Variants in RBFOX1 observed in about 807,000 individuals in gnomAD.
The protein encoded by RBFOX1 is RNA binding protein fox-1 homolog 1.
A neutral mutation model predicts 57.7 loss-of-function variants in RBFOX1; 8 were observed. That is an observed-to-expected ratio of 0.14 (90% CI 0.08 to 0.25). RBFOX1 has a LOEUF of 0.25. Ranked by LOEUF, RBFOX1 falls within the 10% of genes least tolerant of loss-of-function variation. RBFOX1 has a pLI of 1.00. For synonymous variants in RBFOX1, 326 were observed against 222.4 expected (o/e 1.47, Z -4.15); for missense variants, 611 against 548.5 (o/e 1.11, Z -1.14).
intron 2 of RBFOX1, among the ~76,000 whole-genome samples, chr16:6,517,292 A>G (rs965242889): frequency 1.3e-5 from 2 of 152,264 alleles, no homozygotes; most frequent in African/African-American, 4.8e-5. Context: ...TCTAATCCAG[A>G]CATAACTGTT....
intron 5 of RBFOX1, among the ~76,000 whole-genome samples, chr16:7,572,820 C>A (rs1327269382): frequency 2.8e-5 from 3 of 108,676 alleles, no homozygotes; most frequent in Admixed American, 2.0e-4. Context: ...GCCTGGGCAA[C>A]AGAGTGAGAG....
At chr16:7,613,949 C>T (rs868104049) in intron 10 of RBFOX1, among the ~76,000 whole-genome samples, 29 of 152,138 alleles carry the variant, frequency 1.9e-4, no homozygotes, top group African/African-American at 5.8e-4. Flanking sequence ...TATAAAAAGT[C>T]CTAGGTATAA....
At chr16:7,179,507 C>T (rs527816641) in intron 4 of RBFOX1, among the ~76,000 whole-genome samples, 2 of 152,224 alleles carry the variant, frequency 1.3e-5, no homozygotes, top group East Asian at 1.9e-4. Context: ...GGCTGCAGAC[C>T]AATTAATTAT....
At chr16:6,137,016 C>A (rs1440183966) in intron 1 of RBFOX1, among the ~76,000 whole-genome samples, 1 of 152,208 alleles carries the variant, frequency 6.6e-6, no homozygotes, top group African/African-American at 2.4e-5. Context: ...CCGCTGGAAA[C>A]TCCCAACTTG....
intron 2 of RBFOX1, among the ~76,000 whole-genome samples, chr16:6,537,760 C>G (rs1051833753): frequency 1.8e-4 from 27 of 152,206 alleles, no homozygotes; most frequent in African/African-American, 6.3e-4. Flanking sequence ...TAATGTGGTT[C>G]CAACTGAAGA....
intron 2 of RBFOX1, among the ~76,000 whole-genome samples, chr16:6,486,511 G>T (rs916934349): frequency 1.3e-5 from 2 of 152,096 alleles, no homozygotes. Context: ...TAGTCTCAAA[G>T]TTATCAAAGG....
intron 3 of RBFOX1, among the ~76,000 whole-genome samples, chr16:6,676,230 G>T (rs899153142): frequency 2.6e-5 from 4 of 152,122 alleles, no homozygotes; most frequent in African/African-American, 7.2e-5. Flanking sequence ...AATAGTAGAG[G>T]TGAGTGTTGT....
In RBFOX1 at chr16:5,443,481, GC is replaced by G. The variant is rs1403775689; in HGVS notation, c.220-23734del. On this transcript the variant is annotated intron_variant, in intron 1 of 2. Transcript: ENST00000585867. ...GCCTTCTGAGTAGCTGGGATTACAG[GC>G]ACACGCCACCACGCCCAGCTAATAT... is the stretch of plus-strand genomic sequence containing the variant. 4.6e-5 allele frequency among the ~76,000 whole-genome samples: 7 copies of G among 152,234 alleles called. No homozygotes were observed. In the South Asian group the frequency reaches 1.2e-3, roughly 27 times the overall value.
chr16:5,244,971 G>C (rs1449331953), intron 1 of RBFOX1, among the ~76,000 whole-genome samples: 1 of 152,220 alleles, frequency 6.6e-6, no homozygotes, highest in Non-Finnish European at 1.5e-5. Context: ...CCGCAGGGCT[G>C]GCAGGCTGGA....
intron 4 of RBFOX1, among the ~76,000 whole-genome samples, chr16:5,948,476 T>C (rs35460579): frequency 6.6e-6 from 1 of 152,162 alleles, no homozygotes; most frequent in African/African-American, 2.4e-5. Context: ...TATTTGGAAA[T>C]AAGGCCTTTG....
intron 4 of RBFOX1, among the ~76,000 whole-genome samples, chr16:7,330,729 C>G (rs1380013329): frequency 6.6e-6 from 1 of 151,880 alleles, no homozygotes; most frequent in African/African-American, 2.4e-5. Context: ...AATTAAGTCT[C>G]CTGCCTTCTG....
At chr16:5,413,176 T>C (rs749400719) in intron 1 of RBFOX1, among the ~76,000 whole-genome samples, 12 of 152,168 alleles carry the variant, frequency 7.9e-5, no homozygotes, top group African/African-American at 2.7e-4. Context: ...TGCTTCATGC[T>C]CCAGAAAGTG....
At chr16:5,756,223 CAAA>C (rs5815266) in intron 3 of RBFOX1, among the ~76,000 whole-genome samples, 687 of 50,952 alleles carry the variant, frequency 0.013, 1 homozygote, top group African/African-American at 0.045. Flanking sequence ...TCCACATAAG[CAAA>C]AAAAAAAAAA....
chr16:5,479,590 C>T (rs570777275), intron 2 of RBFOX1, among the ~76,000 whole-genome samples: 1 of 151,688 alleles, frequency 6.6e-6, no homozygotes, highest in Non-Finnish European at 1.5e-5. Flanking sequence ...AAAACCCCGT[C>T]TCTTCTAAAA....
chr16:7,420,825 G>A (rs535973623), intron 4 of RBFOX1, among the ~76,000 whole-genome samples: 5 of 148,736 alleles, frequency 3.4e-5, no homozygotes, highest in African/African-American at 1.2e-4. Flanking sequence ...GTACTTTAAA[G>A]AATTATTCTT....
intron 2 of RBFOX1, among the ~76,000 whole-genome samples, chr16:6,363,467 C>T (rs576635551): frequency 1.5e-4 from 23 of 152,272 alleles, no homozygotes; most frequent in African/African-American, 4.8e-4. Flanking sequence ...GATGTTCTAG[C>T]GTGGAATGGA....
chr16:6,623,866 C>A (rs1177820402), intron 2 of RBFOX1, among the ~76,000 whole-genome samples: 1 of 152,104 alleles, frequency 6.6e-6, no homozygotes, highest in African/African-American at 2.4e-5. Context: ...TGGGTTGGTT[C>A]CAAGTCTTTG....
chr16:7,006,720 T>A lies in RBFOX1; in HGVS notation c.-15-45337T>A, dbSNP rs8055933. ...TCCTTGGTCTCCCAATGTGCTGGGA[T>A]TACGGACATGAGCCACCATGCCTGG... is the stretch of plus-strand genomic sequence containing the variant. On this transcript the variant is annotated intron_variant, in intron 3 of 15. Coordinates refer to ENST00000550418, the MANE Select transcript of RBFOX1 (RefSeq NM_018723.4). Among the ~76,000 whole-genome samples the A allele has an allele frequency of 1.3e-5, 2 of 152,040 alleles. 1 individual carries two copies. The highest frequency in any genetic ancestry group is 2.9e-5 in the Non-Finnish European group (2 of 68,002).
chr16:5,956,678 A>ATTTTTTTTTTTTT (rs34743228), intron 4 of RBFOX1, among the ~76,000 whole-genome samples: 15 of 116,498 alleles, frequency 1.3e-4, no homozygotes, highest in South Asian at 2.6e-4. Context: ...ATATATATAT[A>ATTTTTTTTTTTTT]TTTTTTTTGA....
Sources: allele counts gnomAD v4.1 joint callset (sites outside exome capture counted in the v4.1 genomes callset), GRCh38; gene constraint gnomAD v4.1.1; transcripts MANE v1.5; gene names NCBI Gene and HGNC (gene_info 2026-07-23, HGNC 2026-07-21).